LATS2: variants seen among roughly 807,000 people sequenced by gnomAD.
LATS2 encodes large tumor suppressor kinase 2.
Under a neutral mutation model 76.0 loss-of-function variants are expected in LATS2, and 24 were observed. The observed-to-expected ratio is 0.32, with a 90% CI of 0.23 to 0.44. The LOEUF is 0.44. LATS2 is among the 20% of genes least tolerant of loss of function. The pLI, the probability that LATS2 is intolerant of heterozygous loss-of-function variation, is 1.00. For missense variants in LATS2, 1,286 were observed against 1,481.2 expected, an observed-to-expected ratio of 0.87 and a Z score of 2.16; for synonymous variants, 692 against 635.4, an observed-to-expected ratio of 1.09 and a Z score of -1.34.
At chr13:21,009,747 T>C (rs1032201277) in intron 2 of LATS2, among the ~76,000 whole-genome samples, 3 of 152,160 alleles carry the variant, frequency 2.0e-5, no homozygotes, top group African/African-American at 7.2e-5. Flanking sequence ...ATACACCAAG[T>C]ACATGCTGTG....
intron 2 of LATS2, among the ~76,000 whole-genome samples, chr13:21,008,768 G>A (rs1321463426): frequency 6.6e-6 from 1 of 152,116 alleles, no homozygotes; most frequent in Non-Finnish European, 1.5e-5. Context: ...AATCACACAG[G>A]AGAATATTTT....
At chr13:21,005,990 G>A (rs886432574) in intron 2 of LATS2, among the ~76,000 whole-genome samples, 14 of 151,846 alleles carry the variant, frequency 9.2e-5, no homozygotes, top group Non-Finnish European at 1.0e-4. Context: ...GCGCATGTCT[G>A]TAATCGAGTG....
intron 2 of LATS2, among the ~76,000 whole-genome samples, chr13:21,024,968 G>A (rs916019946): frequency 2.6e-5 from 4 of 152,168 alleles, no homozygotes; most frequent in Admixed American, 2.0e-4. Context: ...CAGCCCTGCA[G>A]ACCAGGCTTC....
At chr13:20,992,906 G>T (rs1261357006) in intron 2 of LATS2, among the ~76,000 whole-genome samples, 1 of 152,166 alleles carries the variant, frequency 6.6e-6, no homozygotes, top group South Asian at 2.1e-4. Context: ...ATGGTGGTGT[G>T]TGCCTGTAGT....
At chr13:20,992,934 C>G (rs1290259172) in intron 2 of LATS2, among the ~76,000 whole-genome samples, 1 of 149,702 alleles carries the variant, frequency 6.7e-6, no homozygotes, top group African/African-American at 2.5e-5. Flanking sequence ...ACTCAGGAGG[C>G]TGAGGCAGGT....
intron 1 of LATS2, among the ~76,000 whole-genome samples, chr13:21,050,135 G>GATAC (rs1217549422): frequency 1.1e-4 from 2 of 18,810 alleles, no homozygotes; most frequent in African/African-American, 1.7e-4. Flanking sequence ...CAGATAGATA[G>GATAC]ATAGATAGAT....
intron 2 of LATS2, among the ~76,000 whole-genome samples, chr13:21,025,685 G>A (rs570061): frequency 0.25 from 37,849 of 152,024 alleles, 5,009 homozygotes; most frequent in African/African-American, 0.32. Context: ...GCCTGACACT[G>A]CTCACAACAT....
intron 2 of LATS2, among the ~76,000 whole-genome samples, chr13:21,003,183 T>A (rs896010705): frequency 1.3e-5 from 2 of 151,944 alleles, no homozygotes; most frequent in African/African-American, 2.4e-5. Flanking sequence ...AATGAGACTG[T>A]TCCATTATTG....
intron 2 of LATS2, among the ~76,000 whole-genome samples, chr13:21,024,617 C>G (rs1421766797): frequency 1.3e-5 from 2 of 150,808 alleles, no homozygotes; most frequent in African/African-American, 4.9e-5. Flanking sequence ...TCATCACTGA[C>G]CAGCACCGTG....
At chr13:20,998,978 T>A (rs1870903141) in intron 2 of LATS2, among the ~76,000 whole-genome samples, 1 of 150,006 alleles carries the variant, frequency 6.7e-6, no homozygotes, top group African/African-American at 2.5e-5. Flanking sequence ...TTCCACGACC[T>A]TGTCCACGCA....
intron 2 of LATS2, among the ~76,000 whole-genome samples, chr13:21,030,520 C>T (rs1358582182): frequency 2.2e-5 from 3 of 137,398 alleles, no homozygotes; most frequent in South Asian, 2.4e-4. Flanking sequence ...ACCTGGGAAG[C>T]GGAGCTTGCA....
chr13:20,974,688 G>A lies in LATS2; in HGVS notation c.*182C>T. Reference sequence around the variant, plus strand: ...TGAAAAGCCTATTGAAAGCGATGCTGAGTCCTGTTTTCAAAAGTGTCCTGT... The same window carrying A: ...TGAAAAGCCTATTGAAAGCGATGCTAAGTCCTGTTTTCAAAAGTGTCCTGT... On this transcript the variant is annotated 3_prime_UTR_variant, in exon 8 of 8. Coordinates refer to ENST00000382592, the MANE Select transcript of LATS2 (RefSeq NM_014572.3). 1 of 617,826 alleles carries A rather than the reference G, an allele frequency of 1.6e-6. No homozygotes were observed. The highest frequency in any genetic ancestry group is 2.8e-6 in the Non-Finnish European group (1 of 362,274). The allele number at this position is 617,826 out of a possible 1,614,324, so 38.3% of individuals were successfully genotyped here.
In LATS2 at chr13:21,005,359, G is replaced by A. The variant is rs186956411; in HGVS notation, c.343-13955C>T. On this transcript the variant is annotated intron_variant, in intron 2 of 7. Coordinates refer to ENST00000382592, the MANE Select transcript of LATS2 (RefSeq NM_014572.3). ...CAGAGGGATGCTGGGACCCAGAGCC[G>A]GCCTCTGGCACTCCTACTGGGCAGG... 1.2e-4 allele frequency: 18 copies of A among 152,314 alleles called. No homozygotes were observed. In the East Asian group the frequency reaches 2.1e-3, roughly 18 times the overall value. The allele number at this position is 152,314 out of a possible 1,614,324, so 9.4% of individuals were successfully genotyped here. A position where few individuals can be genotyped will look rare whatever the true frequency, so the allele number is the denominator to read the frequency against.
At chr13:20,990,446 T>C (rs1465980524) in intron 3 of LATS2, among the ~76,000 whole-genome samples, 4 of 150,490 alleles carry the variant, frequency 2.7e-5, no homozygotes, top group Non-Finnish European at 4.4e-5. Context: ...GGGAAAACTC[T>C]TGCTAATTAC....
At chr13:21,014,521 T>C (rs1376001855) in intron 2 of LATS2, among the ~76,000 whole-genome samples, 1 of 145,454 alleles carries the variant, frequency 6.9e-6, no homozygotes, top group African/African-American at 2.4e-5. Flanking sequence ...CTAGATAATA[T>C]TTTTTTAGAA....
At chr13:20,986,566 T>C (rs1870154473) in intron 4 of LATS2, among the ~76,000 whole-genome samples, 1 of 152,164 alleles carries the variant, frequency 6.6e-6, no homozygotes, top group Non-Finnish European at 1.5e-5. Context: ...ATGTGGGAGC[T>C]AAAATAATTG....
intron 2 of LATS2, among the ~76,000 whole-genome samples, chr13:20,993,830 A>T (rs80292533): frequency 6.6e-6 from 1 of 152,122 alleles, no homozygotes; most frequent in Admixed American, 6.5e-5. Context: ...AAGACACGAT[A>T]TAAGACCACA....
intron 7 of LATS2, among the ~76,000 whole-genome samples, chr13:20,978,877 T>C (rs1469283048): frequency 6.6e-6 from 1 of 152,170 alleles, no homozygotes; most frequent in Non-Finnish European, 1.5e-5. Context: ...TTCTCCTGCC[T>C]CAGCCTCCTG....
intron 7 of LATS2, among the ~76,000 whole-genome samples, chr13:20,977,521 T>G (rs1869676199): frequency 6.6e-6 from 1 of 150,750 alleles, no homozygotes; most frequent in Admixed American, 6.6e-5. Context: ...CATTTGAAAA[T>G]AGAGGGTGGT....
Sources: gnomAD v4.1 joint callset for allele counts (sites outside exome capture counted in the v4.1 genomes callset) on GRCh38, gnomAD v4.1.1 for gene constraint, MANE v1.5 for transcripts, NCBI Gene and HGNC (gene_info 2026-07-23, HGNC 2026-07-21) for gene names.